SQOR: variants seen among roughly 807,000 people sequenced by gnomAD.
SQOR encodes the protein sulfide:quinone oxidoreductase, mitochondrial.
Under a neutral mutation model 48.6 loss-of-function variants are expected in SQOR, and 39 were observed. That is an observed-to-expected ratio of 0.80 (90% confidence interval 0.62 to 1.05). The LOEUF (loss-of-function observed/expected upper bound fraction) is 1.05. SQOR is among the 50% of genes least tolerant of loss of function. The pLI is 0.00. For synonymous variants in SQOR, 220 were observed against 206.2 expected, an observed-to-expected ratio of 1.07 and a Z score of -0.57; for missense variants, 561 against 559.9, an observed-to-expected ratio of 1.00 and a Z score of -0.02.
At chr15:45,650,585 C>T (rs74698077) in intron 1 of SQOR, among the ~76,000 whole-genome samples, 13,738 of 152,224 alleles carry the variant, frequency 0.09, 1,085 homozygotes, top group East Asian at 0.46. Flanking sequence ...TGCCACCGCT[C>T]GCTCGGGCAG....
chr15:45,658,940 C>G lies in SQOR; in HGVS notation c.17C>G (p.Ala6Gly). The change falls in exon 2 of 10, where the codon GCT (alanine) becomes GGT (glycine). Residue 6 changes from alanine (A) to glycine (G), a missense_variant. Coordinates refer to ENST00000260324, the MANE Select transcript of SQOR (RefSeq NM_021199.4). The stretch of plus-strand genomic sequence containing the variant: ...TGCCTGAAGATGGTGCCACTGGTGG[C>G]TGTGGTATCAGGGCCCCGTGCCCAG... MVPLVAVVSGPRAQLF... is the reference protein window; with the variant it reads MVPLVGVVSGPRAQLF... 2 of 1,566,780 alleles carry G rather than the reference C, an allele frequency of 1.3e-6. No homozygotes were observed. The highest frequency in any genetic ancestry group is 1.7e-6 in the Non-Finnish European group (2 of 1,151,410).
chr15:45,675,816 T>A (rs552591718), intron 5 of SQOR, among the ~76,000 whole-genome samples: 19 of 152,286 alleles, frequency 1.2e-4, no homozygotes, highest in Admixed American at 6.5e-4. Context: ...GAATAAACAT[T>A]CCGTTCTACT....
chr15:45,675,846 A>T (rs373547041), intron 5 of SQOR, among the ~76,000 whole-genome samples: 1 of 152,114 alleles, frequency 6.6e-6, no homozygotes, highest in Admixed American at 6.5e-5. Flanking sequence ...CTTGACCTGG[A>T]CCTAACCTTC....
chr15:45,684,960 TG>T (rs1890195404), intron 7 of SQOR, among the ~76,000 whole-genome samples: 1 of 152,240 alleles, frequency 6.6e-6, no homozygotes, highest in Non-Finnish European at 1.5e-5. Flanking sequence ...ACCTATTCTA[TG>T]GTTGCTCTAG....
intron 1 of SQOR, among the ~76,000 whole-genome samples, chr15:45,637,294 G>T (rs565607992): frequency 6.6e-6 from 1 of 152,038 alleles, no homozygotes; most frequent in African/African-American, 2.4e-5. Flanking sequence ...ATTTCTTTTC[G>T]CCTCAGCTTC....
At chr15:45,662,796 C>G (rs1889745614) in intron 3 of SQOR, among the ~76,000 whole-genome samples, 1 of 152,230 alleles carries the variant, frequency 6.6e-6, no homozygotes, top group African/African-American at 2.4e-5. Context: ...CCCCCACCTG[C>G]TGCTGAGCCC....
upstream of SQOR, chr15:45,634,800 G>A (rs1035377229): frequency 6.6e-6 from 1 of 152,240 alleles, no homozygotes; most frequent in Admixed American, 6.5e-5. Flanking sequence ...CCGCCCTTCA[G>A]GGCGCGCAAG....
intron 6 of SQOR, among the ~76,000 whole-genome samples, chr15:45,678,271 G>A (rs529045040): frequency 1.3e-5 from 2 of 152,288 alleles, no homozygotes; most frequent in African/African-American, 4.8e-5. Flanking sequence ...ATCCATTGAT[G>A]ATCCTTGCCT....
intron 2 of SQOR, 71 bp downstream of exon 2, chr15:45,659,228 G>A (rs1034164711): frequency 3.2e-6 from 4 of 1,254,130 alleles, no homozygotes; most frequent in Admixed American, 6.1e-5. Flanking sequence ...GTGTGTGTGT[G>A]TTCTGGGGTT....
intron 1 of SQOR, among the ~76,000 whole-genome samples, chr15:45,650,247 CT>C (rs1566915509): frequency 6.6e-6 from 1 of 152,220 alleles, no homozygotes; most frequent in Non-Finnish European, 1.5e-5. Context: ...TGAAACCGTC[CT>C]CCTACTGTGT....
At chr15:45,669,178 A>T (rs28508061) in intron 3 of SQOR, among the ~76,000 whole-genome samples, 5 of 147,226 alleles carry the variant, frequency 3.4e-5, no homozygotes, top group Admixed American at 6.8e-5. Flanking sequence ...TTTTTTTTTA[A>T]TTTTTTTTTG....
chr15:45,657,854 T>A (rs1889641320), intron 1 of SQOR, among the ~76,000 whole-genome samples: 1 of 152,190 alleles, frequency 6.6e-6, no homozygotes, highest in Non-Finnish European at 1.5e-5. Context: ...AAAGGGTTCT[T>A]GGAGCAGTGG....
intron 6 of SQOR, among the ~76,000 whole-genome samples, chr15:45,680,761 T>G (rs1294721256): frequency 6.6e-6 from 1 of 152,214 alleles, no homozygotes; most frequent in Non-Finnish European, 1.5e-5. Flanking sequence ...TGTAGGATGT[T>G]AGCTCAGGTA....
chr15:45,669,166 T>A (rs1333237367), intron 3 of SQOR, among the ~76,000 whole-genome samples: 5 of 143,878 alleles, frequency 3.5e-5, no homozygotes, highest in African/African-American at 1.3e-4. Context: ...ATATATTTTT[T>A]ATTTTTTTTT....
intron 1 of SQOR, among the ~76,000 whole-genome samples, chr15:45,642,035 ACTC>A (rs1895113575): frequency 6.6e-6 from 1 of 151,938 alleles, no homozygotes; most frequent in Admixed American, 6.6e-5. Flanking sequence ...TAACAGACAG[ACTC>A]TTCTTACCCA....
At chr15:45,651,246 C>T (rs1425493481) in intron 1 of SQOR, among the ~76,000 whole-genome samples, 1 of 152,218 alleles carries the variant, frequency 6.6e-6, no homozygotes, top group African/African-American at 2.4e-5. Flanking sequence ...CAGCTGCTGG[C>T]CCGTGCTAAG....
At chr15:45,650,256 T>G (rs1391617495) in intron 1 of SQOR, among the ~76,000 whole-genome samples, 3 of 152,226 alleles carry the variant, frequency 2.0e-5, no homozygotes, top group African/African-American at 7.2e-5. Context: ...CCTCCTACTG[T>G]GTCCGGAATT....
chr15:45,689,244 G>T, intron 9 of SQOR, 27 bp downstream of exon 9: 1 of 1,610,192 alleles, frequency 6.2e-7, no homozygotes, highest in Non-Finnish European at 8.5e-7. Flanking sequence ...GTTCCTGGAT[G>T]AGGAAAGGGA....
chr15:45,690,794 G>A (rs1030608983), intron 9 of SQOR, among the ~76,000 whole-genome samples, 179 bp from the exon 10 acceptor site: 1 of 152,220 alleles, frequency 6.6e-6, no homozygotes, highest in African/African-American at 2.4e-5. Context: ...CAAAGCTTAG[G>A]AATGGAAGTA....
Sources: allele counts gnomAD v4.1 joint callset (sites outside exome capture counted in the v4.1 genomes callset), GRCh38; gene constraint gnomAD v4.1.1; transcripts MANE v1.5; gene names NCBI Gene and HGNC (gene_info 2026-07-23, HGNC 2026-07-21).